The following AGO2 variants were observed in gnomAD, a reference collection of about 807,000 sequenced individuals.
AGO2 encodes the protein protein argonaute-2.
A neutral mutation model predicts 102.3 loss-of-function variants in AGO2; 5 were observed. The observed-to-expected ratio is 0.05, with a 90% CI of 0.03 to 0.10. The LOEUF (loss-of-function observed/expected upper bound fraction) is 0.10, where lower values mean the gene tolerates loss of function less well. Ranked by LOEUF, AGO2 falls within the 10% of genes least tolerant of loss-of-function variation. The pLI is 1.00. For missense variants in AGO2, 541 were observed against 1,183.7 expected, an observed-to-expected ratio of 0.46 and a Z score of 7.97; for synonymous variants, 449 against 473.1, an observed-to-expected ratio of 0.95 and a Z score of 0.66.
intron 1 of AGO2, among the ~76,000 whole-genome samples, chr8:140,615,425 C>T (rs903354353): frequency 1.3e-5 from 2 of 152,262 alleles, no homozygotes; most frequent in East Asian, 3.8e-4. Flanking sequence ...CCAGGCGGCC[C>T]TTCTCATGCC....
In AGO2 at chr8:140,589,114, T is replaced by C. The variant is rs537446673; in HGVS notation, c.23-3803A>G. Among the ~76,000 whole-genome samples the C allele has an allele frequency of 5.3e-5, 8 of 152,082 alleles. No homozygotes were observed. The East Asian group carries it at 1.5e-3, about 29-fold the overall frequency. Reference sequence around the variant, plus strand: ...TCCCCTGAAGAAACTCCTTTCGGAGTTGGCTCCTCCCCGACTTTTCAGGGA... The same window carrying C: ...TCCCCTGAAGAAACTCCTTTCGGAGCTGGCTCCTCCCCGACTTTTCAGGGA... On this transcript the variant is annotated intron_variant, in intron 1 of 18. Coordinates refer to ENST00000220592, the MANE Select transcript of AGO2 (RefSeq NM_012154.5). The surrounding 1 kb of genome is among the most constrained non-coding windows in gnomAD (Gnocchi z 4.2).
rs2074394376 is a variant in AGO2 at position 140,635,411 on chromosome 8, C to T, written c.22+74G>A. ...GCCCCCCGATCCCCGGCCCCTGCCG[C>T]CCGCGCCGGGCCCGCCAACCACGGG... On this transcript the variant is annotated intron_variant, in intron 1 of 18. Transcript: ENST00000220592. 9.3e-6 allele frequency: 9 copies of T among 969,038 alleles called. No homozygotes were observed. The South Asian group carries it at 1.8e-4, about 20-fold the overall frequency. The allele number at this position is 969,038 out of a possible 1,614,324, so 60.0% of individuals were successfully genotyped here. A position where few individuals can be genotyped will look rare whatever the true frequency, so the allele number is the denominator to read the frequency against.
rs1388697861 is a variant in AGO2, at chr8:140,612,777, C to A, written c.22+22708G>T. On this transcript the variant is annotated intron_variant, in intron 1 of 18. Transcript: ENST00000220592. ...TCTCAAAAAAAACAAAATGAAACTACTGTTTTTCGAGTTTTGGTGTAGTAG... is the reference window on the plus strand; with the variant it reads ...TCTCAAAAAAAACAAAATGAAACTAATGTTTTTCGAGTTTTGGTGTAGTAG... Among the ~76,000 whole-genome samples, 3 of 151,892 alleles carry A rather than the reference C, an allele frequency of 2.0e-5. No individual in the cohort carries two copies. In the East Asian group the frequency reaches 5.8e-4, roughly 30 times the overall value.
rs1393298777 is a variant in AGO2, at chr8:140,525,338, C to G, written c.*6706G>C. 3 of 152,082 alleles carry G rather than the reference C, an allele frequency of 2.0e-5. No homozygotes were observed. The highest frequency in any genetic ancestry group is 4.4e-5 in the Non-Finnish European group (3 of 68,050). The allele number at this position is 152,082 out of a possible 1,614,324, so 9.4% of individuals were successfully genotyped here. A position where few individuals can be genotyped will look rare whatever the true frequency, so the allele number is the denominator to read the frequency against. ...GGGGCGAGCGGCTGTGCAGTGTCCC[C>G]TCGAAACACCCTGGACCAGATTCTG... On this transcript the variant is annotated 3_prime_UTR_variant, in exon 19 of 19. Transcript: ENST00000220592.
At position 140,527,339 on chromosome 8, in the gene AGO2, T is replaced by C. The variant is rs2072523606; in HGVS notation, c.*4705A>G. On this transcript the variant is annotated 3_prime_UTR_variant, in exon 19 of 19. Coordinates refer to ENST00000220592, the MANE Select transcript of AGO2 (RefSeq NM_012154.5). The surrounding 1 kb of genome is among the most constrained non-coding windows in gnomAD (Gnocchi z 6.0). ...ATAATACTGAATACGAGGCAGTGTC[T>C]CCACAACAGAGCCACGTGTTGCATT... 6.6e-6 allele frequency: 1 copy of C among 152,346 alleles called. No individual in the cohort carries two copies. The allele number at this position is 152,346 out of a possible 1,614,324, so 9.4% of individuals were successfully genotyped here.
intron 16 of AGO2, among the ~76,000 whole-genome samples, chr8:140,536,326 A>T (rs1005047654): frequency 1.4e-5 from 2 of 139,132 alleles, no homozygotes; most frequent in East Asian, 2.1e-4. Flanking sequence ...CTTCTTTGCA[A>T]TTTTTTTTTT....
At chr8:140,631,918 G>A (rs1300372512) in intron 1 of AGO2, among the ~76,000 whole-genome samples, 2 of 152,204 alleles carry the variant, frequency 1.3e-5, no homozygotes, top group Non-Finnish European at 2.9e-5. Context: ...ATGGATAAAT[G>A]GAGGGGTATT....
At chr8:140,604,063 C>T (rs147225142) in intron 1 of AGO2, among the ~76,000 whole-genome samples, 2 of 152,368 alleles carry the variant, frequency 1.3e-5, no homozygotes, top group Non-Finnish European at 2.9e-5. Flanking sequence ...AAGTTGGCCT[C>T]TGACCAGATG....
chr8:140,637,076 T>A (rs2074415083), upstream of AGO2: 1 of 152,284 alleles, frequency 6.6e-6, no homozygotes, highest in South Asian at 2.1e-4. Flanking sequence ...GCAGGGCCCC[T>A]GGGGGATTTG....
intron 1 of AGO2, among the ~76,000 whole-genome samples, chr8:140,627,734 T>C (rs1588518650): frequency 6.6e-6 from 1 of 152,186 alleles, no homozygotes; most frequent in Non-Finnish European, 1.5e-5. Context: ...AGAAGTCCCC[T>C]TCCGTCTGGT....
At chr8:140,593,704 C>T (rs2073779858) in intron 1 of AGO2, among the ~76,000 whole-genome samples, 1 of 151,986 alleles carries the variant, frequency 6.6e-6, no homozygotes, top group Non-Finnish European at 1.5e-5. Context: ...ACCATTGTGT[C>T]AGGTACAATG....
chr8:140,597,584 G>T (rs2073867470), intron 1 of AGO2, among the ~76,000 whole-genome samples: 1 of 148,254 alleles, frequency 6.7e-6, no homozygotes, highest in African/African-American at 2.5e-5. Context: ...AAATAAATGA[G>T]CATTCAGAAA....
At chr8:140,546,663 C>T (rs1311259249) in intron 13 of AGO2, among the ~76,000 whole-genome samples, 1 of 152,242 alleles carries the variant, frequency 6.6e-6, no homozygotes, top group East Asian at 1.9e-4. Flanking sequence ...AACAGATCCA[C>T]GCCACAGGGG....
intron 1 of AGO2, among the ~76,000 whole-genome samples, chr8:140,595,256 A>G (rs561114197): frequency 2.0e-4 from 30 of 152,276 alleles, no homozygotes; most frequent in African/African-American, 6.7e-4. Flanking sequence ...AGCTCCATGT[A>G]CTTGTAAGTG....
In AGO2 at chr8:140,597,604, C is replaced by T. The variant is rs191744010; in HGVS notation, c.23-12293G>A. Among the ~76,000 whole-genome samples, 4 of 152,024 alleles carry T rather than the reference C, an allele frequency of 2.6e-5. No individual in the cohort carries two copies. The East Asian group carries it at 7.7e-4, about 29-fold the overall frequency. ...AATGAGCATTCAGAAATCTCAGGCT[C>T]ACTCCTGTCAGCTTCAGCCTCACTC... On this transcript the variant is annotated intron_variant, in intron 1 of 18. Transcript: ENST00000220592.
Position 140,541,774 on chromosome 8 carries a change from G to A in AGO2, c.1840-416C>T, listed in dbSNP as rs146085485. Among the ~76,000 whole-genome samples, 87 of 152,062 alleles carry A rather than the reference G, an allele frequency of 5.7e-4. 2 individuals are homozygous for A. The East Asian group carries it at 6.6e-3, about 12-fold the overall frequency. On this transcript the variant is annotated intron_variant, in intron 14 of 18. Transcript: ENST00000220592. ...AAAAATGAGCTGGGCATGGTGGTGC[G>A]TGCCTGTAATCCTAGCTACTCGGGA... is the stretch of plus-strand genomic sequence containing the variant.
At chr8:140,533,000 C>CA (rs35812545) in intron 17 of AGO2, among the ~76,000 whole-genome samples, 7,416 of 111,822 alleles carry the variant, frequency 0.066, 678 homozygotes, top group African/African-American at 0.23. Context: ...TCCTCTGTCT[C>CA]AAAAAAAAAA....
chr8:140,549,642 C>T (rs776244459), intron 11 of AGO2, among the ~76,000 whole-genome samples: 10 of 152,406 alleles, frequency 6.6e-5, no homozygotes, highest in South Asian at 2.1e-4. Flanking sequence ...ATGCTGTCCC[C>T]GTAAAGCTGC....
intron 1 of AGO2, among the ~76,000 whole-genome samples, chr8:140,613,739 G>C (rs1253726558): frequency 6.6e-6 from 1 of 152,164 alleles, no homozygotes; most frequent in African/African-American, 2.4e-5. Flanking sequence ...CAGCTGGCCA[G>C]GCATGGTAGC....
Sources: allele counts gnomAD v4.1 joint callset (sites outside exome capture counted in the v4.1 genomes callset), GRCh38; gene constraint gnomAD v4.1.1; non-coding constraint Gnocchi (gnomAD v3.1); transcripts MANE v1.5; gene names NCBI Gene and HGNC (gene_info 2026-07-23, HGNC 2026-07-21).